Variants in PRAG1 observed in about 807,000 individuals in gnomAD.
PRAG1 encodes the protein PEAK1 related, kinase-activating pseudokinase 1, also known as inactive tyrosine-protein kinase PRAG1.
Under a neutral mutation model 95.6 loss-of-function variants are expected in PRAG1, and 110 were observed. The observed-to-expected ratio is 1.15, with a 90% CI of 0.99 to 1.35. PRAG1 has a LOEUF of 1.35. PRAG1 is among the 40% of genes most tolerant of loss of function. PRAG1 has a pLI of 0.00. For missense variants in PRAG1, 2,554 were observed against 1,864.7 expected (o/e 1.37, Z -6.81); for synonymous variants, 1,052 against 819.4 (o/e 1.28, Z -4.85).
intron 5 of PRAG1, among the ~76,000 whole-genome samples, chr8:8,322,162 T>C (rs1274721116): frequency 1.3e-5 from 2 of 152,092 alleles, no homozygotes; most frequent in Admixed American, 6.5e-5. Context: ...TTTTATTTTA[T>C]ATATATAGTT....
intron 4 of PRAG1, among the ~76,000 whole-genome samples, chr8:8,330,387 G>A (rs1188676258): frequency 6.6e-6 from 1 of 152,140 alleles, no homozygotes; most frequent in Non-Finnish European, 1.5e-5. Context: ...ATTCAAGAGG[G>A]AGCACCGTGT....
Position 8,377,907 on chromosome 8 carries a change from C to G in PRAG1, c.502G>C (p.Glu168Gln). ...AYTMVGLHNL[E>Q]PRGERNIAFH... ...GCAATGTTCCTCTCGCCGCGGGGCT[C>G]AAGGTTGTGCAGGCCGACCATGGTG... Residue 168 changes from glutamate to glutamine, a missense_variant, in exon 3 of 6, where the codon GAG (glutamate) becomes CAG (glutamine). Glu to Gln is a conservative substitution (Grantham distance 29). Transcript: ENST00000615670. 6.2e-7 allele frequency: 1 copy of G among 1,614,072 alleles called. No homozygotes were observed. The highest frequency in any genetic ancestry group is 8.5e-7 in the Non-Finnish European group (1 of 1,180,002).
chr8:8,362,838 G>C (rs2116895343), intron 3 of PRAG1, among the ~76,000 whole-genome samples: 1 of 152,240 alleles, frequency 6.6e-6, no homozygotes, highest in Middle Eastern at 3.4e-3. Flanking sequence ...TCTAAGCTTA[G>C]CCTGATTGGC....
Position 8,376,850 on chromosome 8 carries a change from C to G in PRAG1, c.1559G>C (p.Gly520Ala). Residue 520 changes from glycine (G) to alanine (A), a missense_variant, in exon 3 of 6, where the codon GGG becomes GCG. Gly to Ala is a moderately conservative substitution (Grantham distance 60). Coordinates refer to ENST00000615670, the MANE Select transcript of PRAG1 (RefSeq NM_001080826.3). ...GCTTTCCCTGGAGCTCAGCCCCTGC[C>G]CAGCCGAAGTCTCCTCTTCACCTAC... ...SEVGEEETSA[G>A]QGLSSRESHA... 6.2e-7 allele frequency: 1 copy of G among 1,612,994 alleles called. No homozygotes were observed. Among genetic ancestry groups the G allele is most frequent in the Non-Finnish European group, 8.5e-7 (1 of 1,179,998 alleles).
intron 3 of PRAG1, among the ~76,000 whole-genome samples, chr8:8,351,522 G>C (rs759961833): frequency 6.6e-6 from 1 of 152,158 alleles, no homozygotes; most frequent in African/African-American, 2.4e-5. Flanking sequence ...ACATTTAAAA[G>C]ATCTGCAAGG....
chr8:8,354,246 C>A (rs1799617757), intron 3 of PRAG1, among the ~76,000 whole-genome samples: 1 of 151,838 alleles, frequency 6.6e-6, no homozygotes, highest in Admixed American at 6.6e-5. Context: ...TTGAACAGAC[C>A]AGTAACAAAT....
In PRAG1 at chr8:8,377,495, G is replaced by A. The variant is rs538380081; in HGVS notation, c.914C>T (p.Pro305Leu). 14 of 1,552,602 alleles carry A rather than the reference G, an allele frequency of 9.0e-6. No individual in the cohort carries two copies. The highest frequency in any genetic ancestry group is 1.7e-4 in the Middle Eastern group (1 of 5,742). ...GCTACAGCACTCCTTGGGGAAGCTC[G>A]GGCCCCGCTTCTCCTGCTCTGCGGG... ...SGPAEQEKRG[P>L]SFPKECCSQG... Residue 305 changes from proline to leucine, a missense_variant, in exon 3 of 6, where the codon CCG becomes CTG. Physicochemically the swap from Pro to Leu is moderately conservative, Grantham distance 98. Coordinates refer to ENST00000615670, the MANE Select transcript of PRAG1 (RefSeq NM_001080826.3).
In PRAG1 at chr8:8,381,819, G is replaced by A; in HGVS notation, c.-72C>T. On this transcript the variant is annotated 5_prime_UTR_variant, in exon 2 of 6. Transcript: ENST00000615670. ...GCAGTTTTGTGGGATTCAGAGGTGG[G>A]TCACAGAGCGGCTTCCTAGAAAGGC... 7.8e-7 allele frequency: 1 copy of A among 1,289,312 alleles called. No individual in the cohort carries two copies. The highest frequency in any genetic ancestry group is 1.1e-6 in the Non-Finnish European group (1 of 950,948). 79.9% of individuals were successfully genotyped at this position (1,289,312 alleles called of 1,614,324 possible).
intron 4 of PRAG1, among the ~76,000 whole-genome samples, chr8:8,335,192 A>C (rs747893382): frequency 9.2e-5 from 14 of 152,218 alleles, no homozygotes; most frequent in South Asian, 2.1e-4. Flanking sequence ...TCTTCTAAGG[A>C]TTTATCTTAC....
chr8:8,352,486 A>T (rs1202535349), intron 3 of PRAG1, among the ~76,000 whole-genome samples: 2 of 152,122 alleles, frequency 1.3e-5, no homozygotes, highest in African/African-American at 4.8e-5. Flanking sequence ...ACTTGACCCA[A>T]ATCAGCTGTT....
At position 8,321,163 on chromosome 8, in the gene PRAG1, C is replaced by T. The variant is rs529276341; in HGVS notation, c.3073-1861G>A. On this transcript the variant is annotated intron_variant, in intron 5 of 5. Coordinates refer to ENST00000615670, the MANE Select transcript of PRAG1 (RefSeq NM_001080826.3). The stretch of plus-strand genomic sequence containing the variant: ...GCAGTGGTGCAATCACAGCTCACTG[C>T]GGTTTTGACCTCCCAGGTTTAAGCG... Among the ~76,000 whole-genome samples the T allele has an allele frequency of 6.6e-5, 10 of 152,312 alleles. No individual in the cohort carries two copies. In the South Asian group the frequency reaches 1.2e-3, roughly 19 times the overall value.
chr8:8,347,587 C>CT (rs1174359257), intron 3 of PRAG1, among the ~76,000 whole-genome samples: 1 of 136,542 alleles, frequency 7.3e-6, no homozygotes. Flanking sequence ...TAAGAACACT[C>CT]TGTTTTTAAC....
intron 3 of PRAG1, among the ~76,000 whole-genome samples, chr8:8,371,292 G>T (rs577696566): frequency 6.6e-6 from 1 of 151,606 alleles, no homozygotes; most frequent in African/African-American, 2.4e-5. Context: ...GTGGAGTCTC[G>T]CTCTGTCGCC....
rs372386421 is a variant in PRAG1 at position 8,377,268 on chromosome 8, C to G, written c.1141G>C (p.Gly381Arg). 13 of 1,612,788 alleles carry G rather than the reference C, an allele frequency of 8.1e-6. No individual in the cohort carries two copies. Among genetic ancestry groups the G allele is most frequent in the East Asian group, 2.2e-5 (1 of 44,880 alleles). ...CTGCTAGGGGTCACCCCTGGGCAGCCAGGGTCCTGCTGCTTCTCTGGGGCA... is the reference window on the plus strand; with the variant it reads ...CTGCTAGGGGTCACCCCTGGGCAGCGAGGGTCCTGCTGCTTCTCTGGGGCA... ...EPAPEKQQDP[G>R]CPGVTPSRCL... is the part of the protein sequence containing the mutation. The change falls in exon 3 of 6, where the codon GGC becomes CGC. Residue 381 changes from glycine to arginine, a missense_variant. Gly to Arg is a moderately radical substitution (Grantham distance 125, BLOSUM62 -2). Transcript: ENST00000615670.
chr8:8,377,509 C>T lies in PRAG1; in HGVS notation c.900G>A (p.Gln300=). The T allele has an allele frequency of 6.4e-7, 1 of 1,564,394 alleles. No homozygotes were observed. Among genetic ancestry groups the T allele is most frequent in the Non-Finnish European group, 8.7e-7 (1 of 1,154,862 alleles). Residue 300 remains glutamine, a synonymous_variant, in exon 3 of 6, where the codon CAG becomes CAA. Transcript: ENST00000615670. ...TGGGGAAGCTCGGGCCCCGCTTCTCCTGCTCTGCGGGCCCGGAACACTTCC... is the reference window on the plus strand; with the variant it reads ...TGGGGAAGCTCGGGCCCCGCTTCTCTTGCTCTGCGGGCCCGGAACACTTCC... ...EQGKCSGPAE[Q]EKRGPSFPKE...
intron 3 of PRAG1, among the ~76,000 whole-genome samples, chr8:8,350,541 G>A (rs1799488192): frequency 6.6e-6 from 1 of 152,240 alleles, no homozygotes; most frequent in African/African-American, 2.4e-5. Flanking sequence ...CCTACCAGCT[G>A]CCTTGCCTAT....
At position 8,319,229 on chromosome 8, in the gene PRAG1, T is replaced by A. The variant is rs752286356; in HGVS notation, c.3146A>T (p.Gln1049Leu). 19 of 1,569,386 alleles carry A rather than the reference T, an allele frequency of 1.2e-5. No homozygotes were observed. Among genetic ancestry groups the A allele is most frequent in the Non-Finnish European group, 1.6e-5 (19 of 1,152,860 alleles). The change falls in exon 6 of 6, where the codon CAG becomes CTG. Residue 1049 changes from glutamine (Q) to leucine (L), a missense_variant. Physicochemically the swap from Gln to Leu is moderately radical, Grantham distance 113. Transcript: ENST00000615670. ...CGAGGCGACGAAGTGGCCGCAGTCC[T>A]GCTGGATGTTAAAGTGCACGGGCAC... Reference protein sequence around the residue: ...PSVPVHFNIQQDCGHFVASVP... With the variant: ...PSVPVHFNIQLDCGHFVASVP...
intron 3 of PRAG1, among the ~76,000 whole-genome samples, chr8:8,368,184 G>T (rs1009672676): frequency 6.6e-6 from 1 of 152,298 alleles, no homozygotes; most frequent in African/African-American, 2.4e-5. Flanking sequence ...ATACTGGAGA[G>T]AAAATATCTG....
rs775274761 is a variant in PRAG1, at chr8:8,318,522, C to T, written c.3853G>A (p.Glu1285Lys). Residue 1285 changes from glutamate to lysine, a missense_variant, in exon 6 of 6, where the codon GAG (glutamate) becomes AAG (lysine). Glu to Lys is a moderately conservative substitution (Grantham distance 56). Transcript: ENST00000615670. This position sits in a 1 kb window ranked among gnomAD's most constrained non-coding sequence, Gnocchi z 4.2. ...AGCGCGGGCAGCGGCGGCAGGTCCT[C>T]CTGCCGGTAGTCTCTCTCCCGCAGC... ...AQLRERDYRQ[E>K]DLPPLPALSL... The T allele has an allele frequency of 1.2e-5, 19 of 1,612,528 alleles. No homozygotes were observed. In the East Asian group the frequency reaches 3.1e-4, roughly 26 times the overall value.
Sources: allele counts gnomAD v4.1 joint callset (sites outside exome capture counted in the v4.1 genomes callset), GRCh38; gene constraint gnomAD v4.1.1; non-coding constraint Gnocchi (gnomAD v3.1); transcripts MANE v1.5; gene names NCBI Gene and HGNC (gene_info 2026-07-23, HGNC 2026-07-21).